Variants in PCDH7 observed in about 807,000 individuals in gnomAD.
PCDH7 encodes the protein protocadherin 7.
Under a neutral mutation model 58.9 loss-of-function variants are expected in PCDH7, and 17 were observed. The ratio of observed to expected loss-of-function variants is 0.29; its 90% CI spans 0.20 to 0.43. The LOEUF is 0.43. PCDH7 is among the 20% of genes least tolerant of loss of function. PCDH7 has a pLI of 1.00. For synonymous variants in PCDH7, 664 were observed against 616.4 expected (o/e 1.08, Z -1.14); for missense variants, 1,274 against 1,441.0 (o/e 0.88, Z 1.88).
intron 2 of PCDH7, among the ~76,000 whole-genome samples, chr4:30,946,866 T>G (rs9291555): frequency 6.6e-6 from 1 of 152,016 alleles, no homozygotes; most frequent in Non-Finnish European, 1.5e-5. Context: ...CCCACCACCA[T>G]GCTTGGATAA....
chr4:31,093,640 C>A (rs1713559813), intron 3 of PCDH7, among the ~76,000 whole-genome samples: 1 of 151,978 alleles, frequency 6.6e-6, no homozygotes, highest in Admixed American at 6.6e-5. Context: ...TAACTTAAAA[C>A]TTAAACGTAA....
chr4:30,998,608 G>A (rs1467146740), intron 3 of PCDH7, among the ~76,000 whole-genome samples: 1 of 152,142 alleles, frequency 6.6e-6, no homozygotes, highest in Non-Finnish European at 1.5e-5. Context: ...CAGAAACTTT[G>A]AGGGTGTGGT....
intron 1 of PCDH7, among the ~76,000 whole-genome samples, chr4:30,744,661 A>T (rs1005095869): frequency 6.6e-6 from 1 of 152,200 alleles, no homozygotes; most frequent in Non-Finnish European, 1.5e-5. Flanking sequence ...GGCTCACAAG[A>T]GTTAGAATAT....
At chr4:31,098,582 C>T (rs985512881) in intron 3 of PCDH7, among the ~76,000 whole-genome samples, 2 of 152,094 alleles carry the variant, frequency 1.3e-5, no homozygotes, top group Non-Finnish European at 2.9e-5. Context: ...GGCTCACATC[C>T]GTCTGGTCAC....
At chr4:31,108,409 A>AAAAAAAAAAAAT (rs1715867843) in intron 3 of PCDH7, among the ~76,000 whole-genome samples, 2 of 119,166 alleles carry the variant, frequency 1.7e-5, no homozygotes, top group South Asian at 5.5e-4. Context: ...AAAAAAAAAA[A>AAAAAAAAAAAAT]TCACTTTCTA....
At chr4:31,101,727 A>G (rs1714917145) in intron 3 of PCDH7, among the ~76,000 whole-genome samples, 1 of 152,198 alleles carries the variant, frequency 6.6e-6, no homozygotes, top group Non-Finnish European at 1.5e-5. Flanking sequence ...TTCAACTGAA[A>G]TGTTTCAAAA....
At chr4:31,010,098 G>C (rs928442119) in intron 3 of PCDH7, among the ~76,000 whole-genome samples, 5 of 151,880 alleles carry the variant, frequency 3.3e-5, no homozygotes, top group African/African-American at 1.2e-4. Flanking sequence ...TTGGAATACT[G>C]TCCTTCTTAT....
chr4:30,921,446 T>G (rs1425272534), intron 2 of PCDH7, among the ~76,000 whole-genome samples: 1 of 152,142 alleles, frequency 6.6e-6, no homozygotes, highest in Non-Finnish European at 1.5e-5. Flanking sequence ...GATTTTCTTC[T>G]GTAAGTTTAC....
chr4:30,825,305 TTA>T, intron 1 of PCDH7, among the ~76,000 whole-genome samples: 1 of 152,180 alleles, frequency 6.6e-6, no homozygotes, highest in Non-Finnish European at 1.5e-5. Flanking sequence ...ATTATCAATA[TTA>T]TGTTTTGGTG....
chr4:31,073,130 G>C (rs1486676761), intron 3 of PCDH7, among the ~76,000 whole-genome samples: 1 of 152,136 alleles, frequency 6.6e-6, no homozygotes, highest in Non-Finnish European at 1.5e-5. Flanking sequence ...ATAAGTATTT[G>C]TAAATGCAAA....
chr4:31,016,897 G>GGT (rs1007246771), intron 3 of PCDH7, among the ~76,000 whole-genome samples: 1 of 147,602 alleles, frequency 6.8e-6, no homozygotes, highest in Non-Finnish European at 1.5e-5. Context: ...GTGTGTGCTG[G>GGT]GTGTGTGTGT....
intron 1 of PCDH7, among the ~76,000 whole-genome samples, chr4:30,784,965 C>T (rs1048984797): frequency 2.0e-5 from 3 of 152,032 alleles, no homozygotes; most frequent in Admixed American, 2.0e-4. Flanking sequence ...AATATGATTT[C>T]CCTAATTGGT....
At chr4:31,055,531 A>G (rs1213821503) in intron 3 of PCDH7, among the ~76,000 whole-genome samples, 1 of 152,094 alleles carries the variant, frequency 6.6e-6, no homozygotes, top group African/African-American at 2.4e-5. Context: ...GCAACATACT[A>G]GGTCCTAGAG....
Position 30,723,217 on chromosome 4 carries a change from C to T in PCDH7, c.1795C>T (p.Arg599Cys), listed in dbSNP as rs759267433. The change falls in exon 1 of 2, where the codon CGC becomes TGC. Residue 599 changes from arginine (R) to cysteine (C), a missense_variant. By Grantham distance (180) the Arg-to-Cys change is radical (BLOSUM62 -3). Transcript: ENST00000361762. This position sits in a 1 kb window ranked among gnomAD's most constrained non-coding sequence, Gnocchi z 4.6. ...CATCCTGGTCAATACCGTGCTGGAC[C>T]GCGAGCAGACTGACAGGTATGAGTT... 2 of 1,614,050 alleles carry T rather than the reference C, an allele frequency of 1.2e-6. No individual in the cohort carries two copies. The highest frequency in any genetic ancestry group is 1.7e-6 in the Non-Finnish European group (2 of 1,180,056).
At chr4:30,727,453 T>C (rs1268286692) in intron 1 of PCDH7, among the ~76,000 whole-genome samples, 1 of 151,954 alleles carries the variant, frequency 6.6e-6, no homozygotes, top group African/African-American at 2.4e-5. Context: ...GAAATGTGTG[T>C]GGTAGAGTTG....
intron 3 of PCDH7, among the ~76,000 whole-genome samples, chr4:31,125,217 TC>T (rs1490877394): frequency 2.0e-5 from 3 of 152,276 alleles, no homozygotes; most frequent in African/African-American, 7.2e-5. Flanking sequence ...GGAGAAAACC[TC>T]CAGGAAAAAC....
intron 3 of PCDH7, among the ~76,000 whole-genome samples, chr4:31,086,748 T>C (rs889588859): frequency 6.6e-6 from 1 of 152,178 alleles, no homozygotes; most frequent in African/African-American, 2.4e-5. Flanking sequence ...ATAACATACC[T>C]GGCATATTAA....
At chr4:30,869,940 CAT>C (rs1322888197) in intron 1 of PCDH7, among the ~76,000 whole-genome samples, 2 of 152,134 alleles carry the variant, frequency 1.3e-5, no homozygotes, top group East Asian at 3.9e-4. Flanking sequence ...TCCTCTCCAG[CAT>C]ATGTTGTTTT....
At chr4:31,126,454 G>T (rs146749200) in intron 3 of PCDH7, among the ~76,000 whole-genome samples, 5 of 152,012 alleles carry the variant, frequency 3.3e-5, no homozygotes, top group Admixed American at 2.6e-4. Context: ...GCCACCTCAC[G>T]CAGGCAATTT....
Sources: allele counts gnomAD v4.1 joint callset (sites outside exome capture counted in the v4.1 genomes callset), GRCh38; gene constraint gnomAD v4.1.1; non-coding constraint Gnocchi (gnomAD v3.1); transcripts MANE v1.5; gene names NCBI Gene and HGNC (gene_info 2026-07-23, HGNC 2026-07-21).